The following HDX variants were observed in gnomAD, a reference collection of about 807,000 sequenced individuals.
HDX encodes chromosome X open reading frame 43.
HDX carries 19 observed loss-of-function variants against 45.2 expected under a neutral mutation model. The ratio of observed to expected loss-of-function variants is 0.42; its 90% CI spans 0.29 to 0.62. The LOEUF (loss-of-function observed/expected upper bound fraction) is 0.62. Ranked by LOEUF, HDX falls within the 20% of genes least tolerant of loss-of-function variation. The probability of loss-of-function intolerance (pLI) is 0.20; values close to 1 mark genes in which losing one functional copy is unlikely to be tolerated. For missense variants in HDX, 532 were observed against 493.9 expected (o/e 1.08, Z -0.73); for synonymous variants, 188 against 172.8 (o/e 1.09, Z -0.69).
intron 5 of HDX, among the ~76,000 whole-genome samples, chrX:84,422,015 C>CA (rs757231418): frequency 0.031 from 2,695 of 87,494 alleles, 60 homozygotes; most frequent in African/African-American, 0.082. Flanking sequence ...AAGGAACCAA[C>CA]AAAAAAAAAA....
At chrX:84,326,436 T>C in intron 9 of HDX, 136 bp from the exon 10 acceptor site, 1 of 444,389 alleles carries the variant, frequency 2.3e-6, no homozygotes, top group South Asian at 4.3e-5. Context: ...CATAAAGGAA[T>C]ACAAAGCATG....
chrX:84,448,747 T>C (rs1269540217), intron 4 of HDX, among the ~76,000 whole-genome samples: 1 of 110,819 alleles, frequency 9.0e-6, no homozygotes, highest in Non-Finnish European at 1.9e-5. Flanking sequence ...GACAAGGAAA[T>C]ATGATACCTC....
rs1384944199 is a variant in HDX at position 84,469,111 on chromosome X, A to G, written c.612T>C (p.Ala204=). The change falls in exon 4 of 11, where the codon GCT becomes GCC. Residue 204 remains alanine, a synonymous_variant. Coordinates refer to ENST00000373177, the MANE Select transcript of HDX (RefSeq NM_001177479.2). ...KKNYGNSSVQ[A]SEMTVPQKPS... Reference sequence around the variant, plus strand: ...GCTTTTGAGGTACTGTCATTTCAGAAGCTTGTACTGAAGAGTTTCCATAGT... The same window carrying G: ...GCTTTTGAGGTACTGTCATTTCAGAGGCTTGTACTGAAGAGTTTCCATAGT... 2 of 1,211,483 alleles carry G rather than the reference A, an allele frequency of 1.7e-6. No homozygotes were observed. Among genetic ancestry groups the G allele is most frequent in the Admixed American group, 4.4e-5 (2 of 45,969 alleles).
intron 7 of HDX, among the ~76,000 whole-genome samples, chrX:84,338,630 TA>T (rs1200031519): frequency 1.8e-5 from 2 of 110,641 alleles, no homozygotes; most frequent in African/African-American, 6.6e-5. Flanking sequence ...CTGATCCTGG[TA>T]ACCTCTTTTT....
intron 6 of HDX, among the ~76,000 whole-genome samples, chrX:84,360,560 A>G (rs1434328285): frequency 9.0e-6 from 1 of 111,433 alleles, no homozygotes; most frequent in Non-Finnish European, 1.9e-5. Flanking sequence ...ATGCATATTA[A>G]CAGTCAGGTC....
At chrX:84,391,238 A>T (rs2038434267) in intron 5 of HDX, among the ~76,000 whole-genome samples, 1 of 111,704 alleles carries the variant, frequency 9.0e-6, no homozygotes, top group Non-Finnish European at 1.9e-5. Context: ...CATTTAACAT[A>T]ATGGTCCCCA....
intron 4 of HDX, among the ~76,000 whole-genome samples, chrX:84,455,500 A>G (rs994156140): frequency 1.6e-4 from 18 of 111,988 alleles, no homozygotes; most frequent in African/African-American, 5.8e-4. Context: ...GAGCTTGGAG[A>G]CATGCTATTT....
rs766033266 is a variant in HDX, at chrX:84,482,614, A to C, written c.-1+5410T>G. Among the ~76,000 whole-genome samples, 11 of 111,569 alleles carry C rather than the reference A, an allele frequency of 9.9e-5. No individual in the cohort carries two copies. The East Asian group carries it at 3.1e-3, about 32-fold the overall frequency. Reference sequence around the variant, plus strand: ...TTTCCCACTGGGTCCCTCCCACAACATGTGGGAATTCTGGGAGATATATTT... The same window carrying C: ...TTTCCCACTGGGTCCCTCCCACAACCTGTGGGAATTCTGGGAGATATATTT... On this transcript the variant is annotated intron_variant, in intron 2 of 10. Coordinates refer to ENST00000373177, the MANE Select transcript of HDX (RefSeq NM_001177479.2).
intron 5 of HDX, among the ~76,000 whole-genome samples, chrX:84,393,638 C>T (rs1446020411): frequency 9.0e-6 from 1 of 111,444 alleles, no homozygotes; most frequent in African/African-American, 3.2e-5. Flanking sequence ...GTATTGAAGT[C>T]ATCCAATTGT....
intron 8 of HDX, among the ~76,000 whole-genome samples, chrX:84,335,988 G>A (rs1162783526): frequency 9.1e-6 from 1 of 110,190 alleles, no homozygotes; most frequent in Non-Finnish European, 1.9e-5. Flanking sequence ...TAAAGTCACA[G>A]CCCTTTTGTA....
At chrX:84,339,577 G>A (rs953671613) in intron 7 of HDX, among the ~76,000 whole-genome samples, 3 of 111,386 alleles carry the variant, frequency 2.7e-5, no homozygotes, top group African/African-American at 9.8e-5. Context: ...GTTTTCTTTC[G>A]CTTACAGAAG....
In HDX at chrX:84,468,779, G is replaced by A. The variant is rs772227691; in HGVS notation, c.944C>T (p.Ser315Leu). ...DEYAREEELA[S>L]MRAQIPSYSR... is the part of the protein sequence containing the mutation. The stretch of plus-strand genomic sequence containing the variant: ...ATAGCTTGGTATCTGTGCTCTCATC[G>A]ATGCCAGCTCTTCCTCTCTGGCATA... Residue 315 changes from serine (S) to leucine (L), a missense_variant, in exon 4 of 11, where the codon TCG (serine) becomes TTG (leucine). By Grantham distance (145) the Ser-to-Leu change is moderately radical. Around this residue, in one of 3 missense-constraint regions of HDX, gnomAD observed 376 missense variants for 343.7 expected, o/e 1.09. Coordinates refer to ENST00000373177, the MANE Select transcript of HDX (RefSeq NM_001177479.2). 2 of 1,210,259 alleles carry A rather than the reference G, an allele frequency of 1.7e-6. No homozygotes were observed. The highest frequency in any genetic ancestry group is 2.2e-5 in the Admixed American group (1 of 45,984).
At chrX:84,418,103 G>A (rs1239018438) in intron 5 of HDX, among the ~76,000 whole-genome samples, 1 of 111,863 alleles carries the variant, frequency 8.9e-6, no homozygotes, top group African/African-American at 3.3e-5. Flanking sequence ...ACCGGTGAAG[G>A]TCTTTCCCAT....
chrX:84,500,312 A>G (rs955392141), intron 1 of HDX: 10 of 50,077 alleles, frequency 2.0e-4, no homozygotes, highest in Admixed American at 1.0e-3. Context: ...TTTCTAGGGG[A>G]AAAAAAAAGA....
chrX:84,379,472 A>G (rs748375788), intron 5 of HDX, among the ~76,000 whole-genome samples: 5 of 111,316 alleles, frequency 4.5e-5, no homozygotes, highest in Non-Finnish European at 9.5e-5. Context: ...AGGATAGACC[A>G]TATGTGTAAT....
intron 4 of HDX, among the ~76,000 whole-genome samples, chrX:84,463,938 T>A (rs1333555384): frequency 9.0e-6 from 1 of 111,631 alleles, no homozygotes; most frequent in East Asian, 2.8e-4. Flanking sequence ...CTTCTTAGTA[T>A]CCTTTAGGAT....
chrX:84,491,362 C>T (rs2040890102), intron 1 of HDX, among the ~76,000 whole-genome samples: 1 of 111,671 alleles, frequency 9.0e-6, no homozygotes. Context: ...TATATTTTGT[C>T]TCTAGAATTT....
chrX:84,429,757 T>A (rs982237098), intron 5 of HDX, among the ~76,000 whole-genome samples: 1 of 110,256 alleles, frequency 9.1e-6, no homozygotes, highest in Non-Finnish European at 1.9e-5. Context: ...TTGACCTTAG[T>A]GGGGAGGTAT....
chrX:84,332,821 C>T (rs751960571), intron 9 of HDX, among the ~76,000 whole-genome samples: 3 of 111,448 alleles, frequency 2.7e-5, no homozygotes, highest in Admixed American at 9.6e-5. Context: ...CTAGGAAATA[C>T]GTTTCAAAAG....
Sources: gnomAD v4.1 joint callset for allele counts (sites outside exome capture counted in the v4.1 genomes callset) on GRCh38, gnomAD v4.1.1 for gene constraint, gnomAD v4.1.1 regional missense constraint, MANE v1.5 for transcripts, NCBI Gene and HGNC (gene_info 2026-07-23, HGNC 2026-07-21) for gene names.